Variants in CYP3A43 observed in about 807,000 individuals in gnomAD.
The protein encoded by CYP3A43 is cytochrome P450 3A43.
In CYP3A43, 45 loss-of-function variants were observed where a neutral mutation model predicts 58.0. The ratio of observed to expected loss-of-function variants is 0.78; its 90% CI spans 0.61 to 0.99. CYP3A43 has a LOEUF of 0.99. Among genes scored for constraint, CYP3A43 ranks in the 50% least tolerant of loss-of-function variants. The pLI, the probability that CYP3A43 is intolerant of heterozygous loss-of-function variation, is 0.00. For missense variants in CYP3A43, 593 were observed against 591.9 expected (o/e 1.00, Z -0.02); for synonymous variants, 191 against 201.4 (o/e 0.95, Z 0.44).
At chr7:99,853,743 G>A (rs1476313844) in intron 7 of CYP3A43, among the ~76,000 whole-genome samples, 1 of 152,200 alleles carries the variant, frequency 6.6e-6, no homozygotes, top group Admixed American at 6.5e-5. Flanking sequence ...TTTTAGTAAA[G>A]ACAAGGTTTT....
At chr7:99,860,783 C>T (rs1818195941) in intron 10 of CYP3A43, among the ~76,000 whole-genome samples, 1 of 152,162 alleles carries the variant, frequency 6.6e-6, no homozygotes, top group Admixed American at 6.5e-5. Context: ...TGTGCCCTGT[C>T]CAGTTATAAA....
At chr7:99,842,746 CTG>C (rs1167462586) in intron 3 of CYP3A43, among the ~76,000 whole-genome samples, 1 of 152,202 alleles carries the variant, frequency 6.6e-6, no homozygotes, top group East Asian at 1.9e-4. Flanking sequence ...TTTCACAATG[CTG>C]TGTCATAACC....
At chr7:99,845,084 AG>A (rs1272648382) in intron 4 of CYP3A43, among the ~76,000 whole-genome samples, 2 of 148,416 alleles carry the variant, frequency 1.3e-5, no homozygotes, top group African/African-American at 5.1e-5. Flanking sequence ...AAAAAAAAAA[AG>A]TTATATGGTT....
At chr7:99,839,792 A>G (rs1817260902) in intron 3 of CYP3A43, among the ~76,000 whole-genome samples, 1 of 152,200 alleles carries the variant, frequency 6.6e-6, no homozygotes, top group Admixed American at 6.5e-5. Context: ...TCTGATTTAC[A>G]TAGGGCATGA....
intron 3 of CYP3A43, among the ~76,000 whole-genome samples, chr7:99,840,243 T>C (rs73711650): frequency 0.017 from 2,541 of 152,278 alleles, 70 homozygotes; most frequent in African/African-American, 0.057. Context: ...CCTATATCAA[T>C]AGAAGGCTAC....
intron 1 of CYP3A43, among the ~76,000 whole-genome samples, chr7:99,829,251 A>G (rs964985821): frequency 2.6e-5 from 4 of 152,206 alleles, no homozygotes; most frequent in Admixed American, 6.5e-5. Context: ...GAATGAGTTA[A>G]TACATGCTGC....
intron 11 of CYP3A43, among the ~76,000 whole-genome samples, chr7:99,862,711 T>A (rs1818285058): frequency 6.6e-6 from 1 of 152,226 alleles, no homozygotes; most frequent in African/African-American, 2.4e-5. Context: ...GGATCTAGAC[T>A]TTTATTGGCC....
intron 1 of CYP3A43, among the ~76,000 whole-genome samples, chr7:99,831,912 G>C (rs1241004337): frequency 6.6e-6 from 1 of 152,204 alleles, no homozygotes; most frequent in Admixed American, 6.6e-5. Context: ...AGAACATATA[G>C]GTCAATCACA....
chr7:99,839,646 A>G (rs892753), intron 3 of CYP3A43, among the ~76,000 whole-genome samples: 17,003 of 152,138 alleles, frequency 0.11, 2,135 homozygotes, highest in African/African-American at 0.31. Context: ...CGCACAAAGA[A>G]TAAGGTTAAG....
chr7:99,843,789 A>T (rs189824033), intron 3 of CYP3A43, among the ~76,000 whole-genome samples: 18 of 152,308 alleles, frequency 1.2e-4, no homozygotes, highest in Admixed American at 1.1e-3. Context: ...TTTTAAACAT[A>T]CAAAAGATTA....
intron 12 of CYP3A43, 28 bp downstream of exon 12, chr7:99,863,727 T>G (rs760015317): frequency 6.7e-7 from 1 of 1,486,224 alleles, no homozygotes; most frequent in Non-Finnish European, 9.0e-7. Context: ...TAAATAATGT[T>G]TATTGGGAGT....
At chr7:99,860,068 A>T in intron 10 of CYP3A43, 78 bp downstream of exon 10, 1 of 1,509,716 alleles carries the variant, frequency 6.6e-7, no homozygotes, top group Non-Finnish European at 8.8e-7. Context: ...TTGCCAGGAC[A>T]ATTTTTGCAA....
intron 2 of CYP3A43, among the ~76,000 whole-genome samples, chr7:99,838,403 G>A (rs1477022334): frequency 1.3e-5 from 2 of 152,214 alleles, no homozygotes; most frequent in African/African-American, 4.8e-5. Flanking sequence ...TGCTGAACAA[G>A]GAGATAAAAG....
At chr7:99,854,452 G>T (rs544408244) in intron 7 of CYP3A43, among the ~76,000 whole-genome samples, 1 of 151,918 alleles carries the variant, frequency 6.6e-6, no homozygotes, top group Admixed American at 6.6e-5. Context: ...TGATCCACCC[G>T]CCTCAGCCTC....
At chr7:99,865,294 G>T (rs1029502506) in intron 12 of CYP3A43, among the ~76,000 whole-genome samples, 1 of 148,522 alleles carries the variant, frequency 6.7e-6, no homozygotes, top group Non-Finnish European at 1.5e-5. Flanking sequence ...GAGAATGAGG[G>T]CTCAAAGTAT....
chr7:99,833,084 A>C (rs1816914204), intron 1 of CYP3A43, among the ~76,000 whole-genome samples: 1 of 152,208 alleles, frequency 6.6e-6, no homozygotes, highest in South Asian at 2.1e-4. Context: ...TCACTCTAGC[A>C]CTGGGATCAT....
intron 9 of CYP3A43, 44 bp from the exon 10 acceptor site, chr7:99,859,786 C>T: frequency 6.2e-7 from 1 of 1,612,322 alleles, no homozygotes; most frequent in East Asian, 2.2e-5. Context: ...CTGTGATGCT[C>T]TACACTAACC....
chr7:99,837,053 C>T (rs1189857359), intron 2 of CYP3A43, among the ~76,000 whole-genome samples: 1 of 151,654 alleles, frequency 6.6e-6, no homozygotes, highest in African/African-American at 2.4e-5. Context: ...CGCCTGTAAT[C>T]CCAGCACTTT....
chr7:99,850,745 C>T lies in CYP3A43; in HGVS notation c.670+1051C>T, dbSNP rs139583632. Among the ~76,000 whole-genome samples the T allele has an allele frequency of 4.5e-4, 68 of 152,346 alleles. No homozygotes were observed. The East Asian group carries it at 0.013, about 29-fold the overall frequency. The stretch of plus-strand genomic sequence containing the variant: ...CTAGCACACATCATATAAATTGAAT[C>T]ATATAATATGTGGTCTTTTGTGACT... On this transcript the variant is annotated intron_variant, in intron 7 of 12. Transcript: ENST00000354829.
Sources: gnomAD v4.1 joint callset for allele counts (sites outside exome capture counted in the v4.1 genomes callset) on GRCh38, gnomAD v4.1.1 for gene constraint, MANE v1.5 for transcripts, NCBI Gene and HGNC (gene_info 2026-07-23, HGNC 2026-07-21) for gene names.